Variants in ADGRA3 observed in about 807,000 individuals in gnomAD.
The protein encoded by ADGRA3 is G-protein coupled receptor 125.
In ADGRA3, 56 loss-of-function variants were observed where a neutral mutation model predicts 119.8. That is an observed-to-expected ratio of 0.47 (90% confidence interval 0.38 to 0.58). The LOEUF (loss-of-function observed/expected upper bound fraction) is 0.58. Among genes scored for constraint, ADGRA3 ranks in the 20% least tolerant of loss-of-function variants. The pLI is 0.00. For missense variants in ADGRA3, 1,516 were observed against 1,649.0 expected (o/e 0.92, Z 1.40); for synonymous variants, 607 against 623.8 (o/e 0.97, Z 0.40).
intron 1 of ADGRA3, among the ~76,000 whole-genome samples, chr4:22,513,092 T>C (rs979457295): frequency 1.3e-5 from 2 of 151,292 alleles, no homozygotes; most frequent in Non-Finnish European, 2.9e-5. Context: ...AAGACCCCTC[T>C]ACAGGGGGCC....
chr4:22,471,398 C>A (rs138479394), intron 2 of ADGRA3, among the ~76,000 whole-genome samples: 2 of 152,076 alleles, frequency 1.3e-5, no homozygotes, highest in Admixed American at 6.5e-5. Context: ...ATAATAGGTA[C>A]AACAAACCCT....
chr4:22,451,743 T>A (rs1213549368), intron 4 of ADGRA3, among the ~76,000 whole-genome samples: 1 of 152,152 alleles, frequency 6.6e-6, no homozygotes, highest in Non-Finnish European at 1.5e-5. Context: ...AGGTCCCCAT[T>A]TGAAGAGTTA....
intron 1 of ADGRA3, among the ~76,000 whole-genome samples, chr4:22,486,801 T>G (rs972934233): frequency 2.6e-5 from 4 of 152,230 alleles, no homozygotes; most frequent in African/African-American, 4.8e-5. Flanking sequence ...TTTGGCTTCA[T>G]GACTTTGGAC....
At chr4:22,418,673 A>G (rs1044482554) in intron 12 of ADGRA3, among the ~76,000 whole-genome samples, 16 of 152,180 alleles carry the variant, frequency 1.1e-4, no homozygotes, top group Non-Finnish European at 2.1e-4. Context: ...GAAGGGGTGC[A>G]CAAGGTCAAT....
At chr4:22,431,250 C>T (rs2109053418) in intron 10 of ADGRA3, among the ~76,000 whole-genome samples, 1 of 66,558 alleles carries the variant, frequency 1.5e-5, no homozygotes, top group African/African-American at 4.3e-5. Flanking sequence ...CCACCAACAG[C>T]TTGCACTGTG....
At position 22,462,618 on chromosome 4, in the gene ADGRA3, G is replaced by A. The variant is rs575970112; in HGVS notation, c.330-810C>T. 2.6e-5 allele frequency among the ~76,000 whole-genome samples: 4 copies of A among 152,230 alleles called. No homozygotes were observed. The South Asian group carries it at 6.2e-4, about 24-fold the overall frequency. On this transcript the variant is annotated intron_variant, in intron 2 of 18. Transcript: ENST00000334304. ...GCATGAGCCACTGCACTCAGCCTAC[G>A]GTTAGGTTTTCTATGAGGTGAGGAT...
At chr4:22,443,843 T>C (rs1402210099) in intron 6 of ADGRA3, among the ~76,000 whole-genome samples, 1 of 152,204 alleles carries the variant, frequency 6.6e-6, no homozygotes, top group Admixed American at 6.5e-5. Context: ...TTCTTTTATT[T>C]ATTTGCACAA....
intron 16 of ADGRA3, among the ~76,000 whole-genome samples, chr4:22,395,499 TA>T (rs1415082551): frequency 7.2e-5 from 11 of 152,208 alleles, no homozygotes; most frequent in African/African-American, 2.7e-4. Flanking sequence ...AGGTCAGTGT[TA>T]ATCTTGAGAT....
chr4:22,390,062 T>C (rs1381212857), intron 17 of ADGRA3, among the ~76,000 whole-genome samples: 2 of 151,938 alleles, frequency 1.3e-5, no homozygotes, highest in African/African-American at 2.4e-5. Context: ...AATTACCCTA[T>C]AAAACTATAA....
At chr4:22,462,462 T>C (rs983158558) in intron 2 of ADGRA3, among the ~76,000 whole-genome samples, 1 of 152,066 alleles carries the variant, frequency 6.6e-6, no homozygotes, top group African/African-American at 2.4e-5. Context: ...TACAGGCGCC[T>C]GTCACCATAC....
At chr4:22,392,041 C>T (rs767400524) in intron 17 of ADGRA3, among the ~76,000 whole-genome samples, 52 of 152,208 alleles carry the variant, frequency 3.4e-4, no homozygotes, top group African/African-American at 1.3e-3. Context: ...GGGCCAGTGA[C>T]ATATCAGGCA....
chr4:22,462,398 C>T (rs1043287948), intron 2 of ADGRA3, among the ~76,000 whole-genome samples: 16 of 152,084 alleles, frequency 1.1e-4, no homozygotes, highest in African/African-American at 2.9e-4. Context: ...ACTGCAACCT[C>T]CACCTCCCAG....
In ADGRA3 at chr4:22,388,958, A is replaced by C; in HGVS notation, c.2724-11T>G. 6.2e-7 allele frequency: 1 copy of C among 1,612,092 alleles called. No individual in the cohort carries two copies. On this transcript the variant is annotated splice_polypyrimidine_tract_variant and intron_variant, in intron 18 of 18. Coordinates refer to ENST00000334304, the MANE Select transcript of ADGRA3 (RefSeq NM_145290.4). ...CATGCCATCCAGCAACTGGAAAAGA[A>C]AATGGTAAACCAGATCGATGCTACA...
At chr4:22,506,417 G>GT (rs1210127132) in intron 1 of ADGRA3, among the ~76,000 whole-genome samples, 2 of 152,254 alleles carry the variant, frequency 1.3e-5, no homozygotes, top group East Asian at 3.9e-4. Flanking sequence ...GCCAGGCATG[G>GT]TGGTGCGTGT....
intron 5 of ADGRA3, 123 bp downstream of exon 5, chr4:22,447,317 A>G: frequency 1.6e-6 from 1 of 633,268 alleles, no homozygotes; most frequent in South Asian, 2.2e-5. Flanking sequence ...CAAGCTCTCA[A>G]GTGAGACTCT....
chr4:22,401,685 ATAC>A (rs1714657087), intron 15 of ADGRA3, 131 bp from the exon 16 acceptor site: 2 of 568,068 alleles, frequency 3.5e-6, no homozygotes, highest in Non-Finnish European at 6.0e-6. Flanking sequence ...TAACAAACAT[ATAC>A]TACCAGACAC....
At position 22,452,893 on chromosome 4, in the gene ADGRA3, C is replaced by T. The variant is rs576272270; in HGVS notation, c.473+1973G>A. Among the ~76,000 whole-genome samples the T allele has an allele frequency of 2.2e-4, 34 of 152,074 alleles. No homozygotes were observed. In the South Asian group the frequency reaches 2.5e-3, roughly 11 times the overall value. ...AGATGTATGGTTTTGTCAATTCTAA[C>T]GCAGTCCTCTAAAGTAAAAATACAG... On this transcript the variant is annotated intron_variant, in intron 4 of 18. Transcript: ENST00000334304.
chr4:22,481,847 G>C (rs1179609797), intron 1 of ADGRA3, among the ~76,000 whole-genome samples: 1 of 152,250 alleles, frequency 6.6e-6, no homozygotes, highest in South Asian at 2.1e-4. Flanking sequence ...AGCTTATTCT[G>C]TTTTCAGATA....
intron 10 of ADGRA3, among the ~76,000 whole-genome samples, chr4:22,429,091 C>T (rs1225201986): frequency 6.6e-6 from 1 of 151,962 alleles, no homozygotes; most frequent in Non-Finnish European, 1.5e-5. Context: ...ATGCTTGATC[C>T]TCATAAAGTC....
Sources: allele counts gnomAD v4.1 joint callset (sites outside exome capture counted in the v4.1 genomes callset), GRCh38; gene constraint gnomAD v4.1.1; transcripts MANE v1.5; gene names NCBI Gene and HGNC (gene_info 2026-07-23, HGNC 2026-07-21).